The following ELMOD1 variants were observed in gnomAD, a reference collection of about 807,000 sequenced individuals.
ELMOD1 encodes ELMO domain containing 1.
ELMOD1 carries 21 observed loss-of-function variants against 46.7 expected under a neutral mutation model. The ratio of observed to expected loss-of-function variants is 0.45; its 90% confidence interval spans 0.32 to 0.65. The LOEUF (loss-of-function observed/expected upper bound fraction) is 0.65, where lower values mean the gene tolerates loss of function less well. Ranked by LOEUF, ELMOD1 falls within the 30% of genes least tolerant of loss-of-function variation. The pLI is 0.04. For synonymous variants in ELMOD1, 122 were observed against 138.2 expected (o/e 0.88, Z 0.82); for missense variants, 348 against 407.8 (o/e 0.85, Z 1.26).
At chr11:107,603,687 G>C (rs1405371754) in intron 1 of ELMOD1, among the ~76,000 whole-genome samples, 1 of 152,098 alleles carries the variant, frequency 6.6e-6, no homozygotes, top group African/African-American at 2.4e-5. Context: ...GACCAGCCTG[G>C]CCAACATGGC....
intron 1 of ELMOD1, among the ~76,000 whole-genome samples, chr11:107,594,064 G>A (rs893760884): frequency 1.3e-5 from 2 of 152,124 alleles, no homozygotes; most frequent in African/African-American, 2.4e-5. Flanking sequence ...GGGGAAATGG[G>A]GCAGGGGGAG....
At chr11:107,614,173 C>T (rs1865823130) in intron 1 of ELMOD1, among the ~76,000 whole-genome samples, 1 of 152,178 alleles carries the variant, frequency 6.6e-6, no homozygotes, top group South Asian at 2.1e-4. Flanking sequence ...TACCTTCTAA[C>T]TATCTCTCAT....
intron 1 of ELMOD1, among the ~76,000 whole-genome samples, chr11:107,614,325 A>G (rs1439368190): frequency 2.6e-5 from 4 of 152,066 alleles, no homozygotes; most frequent in African/African-American, 7.2e-5. Context: ...TTTATTCTTC[A>G]TATTACAATC....
intron 1 of ELMOD1, among the ~76,000 whole-genome samples, chr11:107,597,462 C>CA (rs1280118863): frequency 2.0e-5 from 3 of 152,088 alleles, no homozygotes; most frequent in African/African-American, 7.2e-5. Context: ...AGGTCAGAAA[C>CA]AAAAAATATA....
chr11:107,607,830 CT>C (rs2135662060), intron 1 of ELMOD1, among the ~76,000 whole-genome samples: 1 of 152,178 alleles, frequency 6.6e-6, no homozygotes, highest in Non-Finnish European at 1.5e-5. Flanking sequence ...TCATTCTTTT[CT>C]TTCTTCTTTC....
chr11:107,664,772 T>A (rs1413454114), intron 11 of ELMOD1, among the ~76,000 whole-genome samples: 2 of 152,162 alleles, frequency 1.3e-5, no homozygotes, highest in Admixed American at 1.3e-4. Flanking sequence ...AGAACTGATT[T>A]GTCTTCCTGC....
In ELMOD1 at chr11:107,650,327, C is replaced by T. The variant is rs372554853; in HGVS notation, c.555-8C>T. 31 of 1,567,658 alleles carry T rather than the reference C, an allele frequency of 2.0e-5. No individual in the cohort carries two copies. The African/African-American group carries it at 3.1e-4, about 16-fold the overall frequency. On this transcript the variant is annotated splice_polypyrimidine_tract_variant and splice_region_variant and intron_variant, in intron 7 of 11. Coordinates refer to ENST00000265840, the MANE Select transcript of ELMOD1 (RefSeq NM_018712.4). ...TAGAGTTACGGTTTTCTTTCCCTCC[C>T]GCTGCAGGTATTTCGCGGAAAGGGA...
intron 6 of ELMOD1, among the ~76,000 whole-genome samples, chr11:107,644,908 G>T (rs1234362173): frequency 2.4e-5 from 3 of 127,008 alleles, no homozygotes; most frequent in Admixed American, 7.4e-5. Context: ...TTCCTAAAGG[G>T]TTTTTGTTTT....
intron 1 of ELMOD1, chr11:107,592,251 G>GT (rs5794560): frequency 1 from 455,819 of 455,822 alleles, 227,908 homozygotes; most frequent in Non-Finnish European, 1. Context: ...TAATGAATAT[G>GT]TTGTCAGCCT....
intron 1 of ELMOD1, among the ~76,000 whole-genome samples, chr11:107,605,303 G>T (rs1241170160): frequency 6.6e-6 from 1 of 151,038 alleles, no homozygotes; most frequent in African/African-American, 2.4e-5. Flanking sequence ...GGGCTCAGGT[G>T]ATTCTCCCAA....
At chr11:107,637,146 T>A (rs565249820) in intron 6 of ELMOD1, among the ~76,000 whole-genome samples, 31 of 152,370 alleles carry the variant, frequency 2.0e-4, no homozygotes, top group African/African-American at 6.0e-4. Context: ...ATATGACTTT[T>A]ATCTGTGGTT....
intron 10 of ELMOD1, among the ~76,000 whole-genome samples, chr11:107,654,768 CAAAAAAAA>C (rs945140722): frequency 4.5e-5 from 3 of 66,916 alleles, no homozygotes; most frequent in Non-Finnish European, 6.4e-5. Context: ...GACTCCGTCT[CAAAAAAAA>C]AAAAAAAAAA....
intron 10 of ELMOD1, among the ~76,000 whole-genome samples, chr11:107,654,676 G>A (rs1866592736): frequency 6.6e-6 from 1 of 151,882 alleles, no homozygotes; most frequent in Non-Finnish European, 1.5e-5. Context: ...GGCTGAGGCA[G>A]GAGAATGGTG....
At chr11:107,657,917 T>G (rs1342586710) in intron 11 of ELMOD1, among the ~76,000 whole-genome samples, 2 of 152,176 alleles carry the variant, frequency 1.3e-5, no homozygotes, top group Non-Finnish European at 2.9e-5. Flanking sequence ...TTACCATGTT[T>G]GAACACATTG....
intron 1 of ELMOD1, among the ~76,000 whole-genome samples, chr11:107,604,308 A>G (rs747511120): frequency 5.3e-5 from 8 of 152,250 alleles, no homozygotes; most frequent in Non-Finnish European, 1.2e-4. Context: ...AGTGAGGCTA[A>G]GAAGGATATG....
chr11:107,593,740 C>G, intron 1 of ELMOD1, among the ~76,000 whole-genome samples: 1 of 152,234 alleles, frequency 6.6e-6, no homozygotes, highest in South Asian at 2.1e-4. Context: ...ATATTTGGTA[C>G]GAACTTATAC....
chr11:107,616,138 G>A (rs1865859871), intron 1 of ELMOD1, among the ~76,000 whole-genome samples: 1 of 151,664 alleles, frequency 6.6e-6, no homozygotes, highest in African/African-American at 2.4e-5. Context: ...TGGGATTACA[G>A]GTGCCCACCA....
chr11:107,634,457 G>A (rs192303105), intron 5 of ELMOD1, among the ~76,000 whole-genome samples: 3 of 152,256 alleles, frequency 2.0e-5, no homozygotes, highest in Non-Finnish European at 2.9e-5. Flanking sequence ...TCTGAAAACC[G>A]GCTGGGCGCA....
chr11:107,614,099 A>G (rs528211209), intron 1 of ELMOD1, among the ~76,000 whole-genome samples: 4 of 152,004 alleles, frequency 2.6e-5, no homozygotes, highest in Non-Finnish European at 5.9e-5. Context: ...ATAATGTTCA[A>G]CTCCCCCTTT....
Sources: gnomAD v4.1 joint callset for allele counts (sites outside exome capture counted in the v4.1 genomes callset) on GRCh38, gnomAD v4.1.1 for gene constraint, MANE v1.5 for transcripts, NCBI Gene and HGNC (gene_info 2026-07-23, HGNC 2026-07-21) for gene names.